The following KIAA1217 variants were observed in gnomAD, a reference collection of about 807,000 sequenced individuals.
KIAA1217 encodes the protein KIAA1217, also known as sickle tail protein homolog.
In KIAA1217, 88 loss-of-function variants were observed where a neutral mutation model predicts 163.9. That is an observed-to-expected ratio of 0.54 (90% confidence interval 0.45 to 0.64). The LOEUF is 0.64. Among genes scored for constraint, KIAA1217 ranks in the 30% least tolerant of loss-of-function variants. The pLI is 0.00. For missense variants in KIAA1217, 2,372 were observed against 2,475.0 expected (o/e 0.96, Z 0.88); for synonymous variants, 903 against 923.1 (o/e 0.98, Z 0.39).
chr10:24,255,398 G>A, intron 2 of KIAA1217: 1 of 351,372 alleles, frequency 2.8e-6, no homozygotes, highest in Non-Finnish European at 5.8e-6. Flanking sequence ...TGGACGAGCT[G>A]GTTGTGGAGC....
At chr10:24,128,671 G>A (rs753749955) in intron 2 of KIAA1217, among the ~76,000 whole-genome samples, 5 of 152,236 alleles carry the variant, frequency 3.3e-5, no homozygotes, top group African/African-American at 7.2e-5. Flanking sequence ...TTTAATTGAC[G>A]TCTGTGACTA....
intron 1 of KIAA1217, among the ~76,000 whole-genome samples, chr10:23,784,395 T>A (rs1835397018): frequency 6.6e-6 from 1 of 152,150 alleles, no homozygotes; most frequent in Non-Finnish European, 1.5e-5. Context: ...ACTCAGTCAC[T>A]CTGTGTCTTT....
chr10:24,349,710 G>A (rs10764463), intron 2 of KIAA1217, among the ~76,000 whole-genome samples: 87,881 of 152,042 alleles, frequency 0.58, 26,463 homozygotes, highest in South Asian at 0.73. Context: ...AGGAAAATGA[G>A]TCACTTTCTG....
At chr10:24,188,740 C>T (rs2066562461) in intron 2 of KIAA1217, among the ~76,000 whole-genome samples, 1 of 152,154 alleles carries the variant, frequency 6.6e-6, no homozygotes, top group South Asian at 2.1e-4. Flanking sequence ...GTTCATTCCT[C>T]CCAACATGGA....
chr10:24,288,087 G>C (rs1287302777), intron 2 of KIAA1217, among the ~76,000 whole-genome samples: 1 of 152,026 alleles, frequency 6.6e-6, no homozygotes, highest in Non-Finnish European at 1.5e-5. Context: ...AGTACTACAG[G>C]ATTTTTTAAA....
intron 1 of KIAA1217, among the ~76,000 whole-genome samples, chr10:23,744,318 T>C (rs1408325418): frequency 6.6e-6 from 1 of 152,158 alleles, no homozygotes; most frequent in African/African-American, 2.4e-5. Context: ...AGGATCCAAA[T>C]TGGCGTTTTT....
chr10:23,996,467 C>T (rs943880812), intron 1 of KIAA1217, among the ~76,000 whole-genome samples: 2 of 152,090 alleles, frequency 1.3e-5, no homozygotes, highest in Admixed American at 6.6e-5. Flanking sequence ...ACGGCAGAAA[C>T]TGTTATTTTC....
chr10:24,267,877 G>T (rs568981009), intron 2 of KIAA1217, among the ~76,000 whole-genome samples: 2 of 152,224 alleles, frequency 1.3e-5, no homozygotes, highest in Non-Finnish European at 2.9e-5. Context: ...TCCATAGATG[G>T]ACTATTGAAA....
intron 1 of KIAA1217, among the ~76,000 whole-genome samples, chr10:23,785,081 T>C (rs759819788): frequency 6.6e-6 from 1 of 152,034 alleles, no homozygotes; most frequent in Non-Finnish European, 1.5e-5. Context: ...TCTTATCATC[T>C]TTAAAATAGA....
rs766066635 is a variant in KIAA1217 at position 24,513,333 on chromosome 10, A to G, written c.2076A>G (p.Thr692=). 1.2e-6 allele frequency: 2 copies of G among 1,614,214 alleles called. No homozygotes were observed. The highest frequency in any genetic ancestry group is 8.5e-7 in the Non-Finnish European group (1 of 1,180,030). ...AAATCAGTGGCAAAGTGATGGAAAC[A>G]ATGAAGAGACTGGAGGATCCCGTGC... ...ELEISGKVME[T]MKRLEDPVQR... is the part of the protein sequence containing the mutation. The change falls in exon 10 of 21, where the codon ACA becomes ACG. Residue 692 remains threonine, a synonymous_variant. Coordinates refer to ENST00000376454, the MANE Select transcript of KIAA1217 (RefSeq NM_019590.5).
chr10:24,141,584 T>C lies in KIAA1217; in HGVS notation c.-170-78042T>C, dbSNP rs191436848. Among the ~76,000 whole-genome samples the C allele has an allele frequency of 4.4e-3, 669 of 152,312 alleles. 3 individuals are homozygous for C. Among genetic ancestry groups the C allele is most frequent in the African/African-American group, 0.013 (541 of 41,558 alleles). ...CCCCTAAATTGTGTGTGCTTTGTTC[T>C]GACCCTAAGCAGCATGCATCAGTCC... On this transcript the variant is annotated intron_variant, in intron 2 of 18. Transcript: ENST00000376462.
At chr10:23,905,605 G>C (rs1842128052) in intron 1 of KIAA1217, among the ~76,000 whole-genome samples, 1 of 152,038 alleles carries the variant, frequency 6.6e-6, no homozygotes, top group Non-Finnish European at 1.5e-5. Flanking sequence ...CCCACAGGAT[G>C]CTCTGCCACA....
chr10:24,389,709 C>T (rs1349398088), intron 3 of KIAA1217, among the ~76,000 whole-genome samples: 1 of 152,198 alleles, frequency 6.6e-6, no homozygotes, highest in Non-Finnish European at 1.5e-5. Flanking sequence ...CTTCCTAGTG[C>T]ACCTGCTGCT....
intron 9 of KIAA1217, among the ~76,000 whole-genome samples, chr10:24,512,131 T>C (rs1403983012): frequency 6.6e-6 from 1 of 152,118 alleles, no homozygotes. Flanking sequence ...TGTTGAAATG[T>C]TTTATCTTTA....
At chr10:23,936,272 G>A (rs1472622868) in intron 1 of KIAA1217, among the ~76,000 whole-genome samples, 1 of 152,102 alleles carries the variant, frequency 6.6e-6, no homozygotes, top group African/African-American at 2.4e-5. Context: ...AGCCTCCAGG[G>A]ACTGAGAGAA....
In KIAA1217 at chr10:24,387,969, G is replaced by A. The variant is rs541480109; in HGVS notation, c.553+6902G>A. On this transcript the variant is annotated intron_variant, in intron 3 of 20. Transcript: ENST00000376454. ...AGGAAGAGTCAATATTGTGAAAATG[G>A]CCATACTGCCCAAGGTAATTTATAG... 8.5e-5 allele frequency among the ~76,000 whole-genome samples: 13 copies of A among 152,216 alleles called. No individual in the cohort carries two copies. In the East Asian group the frequency reaches 2.3e-3, roughly 27 times the overall value.
At position 24,349,024 on chromosome 10, in the gene KIAA1217, T is replaced by A. The variant is rs1024762758; in HGVS notation, c.355-31845T>A. ...AATTTTGCCTATAGTTTCAGCTAGT[T>A]GGGAGGCTGAAGTGGGATCACTTGA... On this transcript the variant is annotated intron_variant, in intron 2 of 20. Transcript: ENST00000376454. Among the ~76,000 whole-genome samples, 6 of 151,168 alleles carry A rather than the reference T, an allele frequency of 4.0e-5. No individual in the cohort carries two copies. The South Asian group carries it at 1.3e-3, about 32-fold the overall frequency.
At chr10:24,185,523 G>A (rs1392413317) in intron 2 of KIAA1217, among the ~76,000 whole-genome samples, 1 of 152,142 alleles carries the variant, frequency 6.6e-6, no homozygotes, top group African/African-American at 2.4e-5. Flanking sequence ...GGCCAGGTAT[G>A]GTGGCTCATG....
chr10:24,080,599 T>C (rs2061506672), intron 2 of KIAA1217, among the ~76,000 whole-genome samples: 1 of 152,188 alleles, frequency 6.6e-6, no homozygotes, highest in Non-Finnish European at 1.5e-5. Flanking sequence ...CTGTCTCCAT[T>C]TTAAGATTCA....
Sources: allele counts gnomAD v4.1 joint callset (sites outside exome capture counted in the v4.1 genomes callset), GRCh38; gene constraint gnomAD v4.1.1; transcripts MANE v1.5; gene names NCBI Gene and HGNC (gene_info 2026-07-23, HGNC 2026-07-21).